LRRC4C: variants seen among roughly 807,000 people sequenced by gnomAD.
LRRC4C encodes the protein leucine-rich repeat-containing protein 4C.
In LRRC4C, 5 loss-of-function variants were observed where a neutral mutation model predicts 33.6. That is an observed-to-expected ratio of 0.15 (90% CI 0.08 to 0.31). LRRC4C has a LOEUF of 0.31. Ranked by LOEUF, LRRC4C falls within the 10% of genes least tolerant of loss-of-function variation. The probability of loss-of-function intolerance (pLI) is 1.00; values close to 1 mark genes in which losing one functional copy is unlikely to be tolerated. For missense variants in LRRC4C, 560 were observed against 796.7 expected (o/e 0.70, Z 3.58); for synonymous variants, 329 against 302.0 (o/e 1.09, Z -0.93).
chr11:40,586,755 T>C (rs1443244799), intron 3 of LRRC4C, among the ~76,000 whole-genome samples: 1 of 151,666 alleles, frequency 6.6e-6, no homozygotes, highest in African/African-American at 2.4e-5. Context: ...TGCTTGTTTT[T>C]CTCAGGTTTG....
At chr11:41,457,240 A>G (rs1257656166) in intron 1 of LRRC4C, among the ~76,000 whole-genome samples, 1 of 152,176 alleles carries the variant, frequency 6.6e-6, no homozygotes, top group East Asian at 1.9e-4. Context: ...GCCTCAATGG[A>G]GAGAGGTACT....
chr11:41,413,916 G>A (rs575410830), intron 1 of LRRC4C, among the ~76,000 whole-genome samples: 6 of 152,274 alleles, frequency 3.9e-5, no homozygotes, highest in African/African-American at 9.6e-5. Flanking sequence ...CACTAAATGA[G>A]ATATCTAACT....
intron 1 of LRRC4C, among the ~76,000 whole-genome samples, chr11:41,308,237 G>T (rs553752647): frequency 6.6e-6 from 1 of 152,296 alleles, no homozygotes; most frequent in Admixed American, 6.5e-5. Context: ...AAACTCTGAG[G>T]GATTGCTTTT....
intron 1 of LRRC4C, among the ~76,000 whole-genome samples, chr11:41,025,212 A>C (rs892199287): frequency 2.0e-5 from 3 of 151,726 alleles, no homozygotes; most frequent in African/African-American, 7.2e-5. Flanking sequence ...ACTTTAAATT[A>C]AAAACTAGAA....
chr11:41,041,784 C>T (rs1214292231), intron 1 of LRRC4C, among the ~76,000 whole-genome samples: 1 of 152,132 alleles, frequency 6.6e-6, no homozygotes, highest in Non-Finnish European at 1.5e-5. Context: ...AATATTCACA[C>T]AGCTCACAAA....
intron 1 of LRRC4C, among the ~76,000 whole-genome samples, chr11:41,037,102 T>C (rs992435173): frequency 6.6e-6 from 1 of 152,148 alleles, no homozygotes; most frequent in African/African-American, 2.4e-5. Context: ...AACTTTTCCT[T>C]ACGCAGGCTG....
chr11:40,248,670 T>G (rs1344129721), intron 4 of LRRC4C, among the ~76,000 whole-genome samples: 1 of 152,026 alleles, frequency 6.6e-6, no homozygotes, highest in Non-Finnish European at 1.5e-5. Context: ...GCACTTACAC[T>G]GGTCTGGGTG....
At chr11:41,440,426 A>G (rs181708275) in intron 1 of LRRC4C, among the ~76,000 whole-genome samples, 54 of 152,264 alleles carry the variant, frequency 3.5e-4, no homozygotes, top group Admixed American at 3.1e-3. Flanking sequence ...GGTTTTATCT[A>G]TGGTCTCCTT....
At chr11:41,366,042 G>A (rs76146301) in intron 1 of LRRC4C, among the ~76,000 whole-genome samples, 2,896 of 152,166 alleles carry the variant, frequency 0.019, 84 homozygotes, top group African/African-American at 0.066. Flanking sequence ...CATAAAATAA[G>A]CATTAAATAA....
chr11:40,688,653 G>A (rs569109346), intron 2 of LRRC4C, among the ~76,000 whole-genome samples: 1 of 152,172 alleles, frequency 6.6e-6, no homozygotes, highest in East Asian at 1.9e-4. Flanking sequence ...TCCTACGTCA[G>A]TGGAAAGGTC....
intron 5 of LRRC4C, among the ~76,000 whole-genome samples, chr11:40,142,760 G>A (rs1264151741): frequency 2.0e-5 from 3 of 151,870 alleles, no homozygotes; most frequent in Admixed American, 6.6e-5. Context: ...CTAGGTGGTC[G>A]TATAATGCTT....
intron 5 of LRRC4C, among the ~76,000 whole-genome samples, chr11:40,143,787 A>C (rs1857535305): frequency 6.6e-6 from 1 of 152,140 alleles, no homozygotes; most frequent in Non-Finnish European, 1.5e-5. Context: ...TAACATGTAC[A>C]TATTTGTTTT....
intron 1 of LRRC4C, among the ~76,000 whole-genome samples, chr11:41,273,457 C>T (rs1244712536): frequency 6.6e-6 from 1 of 152,096 alleles, no homozygotes; most frequent in Non-Finnish European, 1.5e-5. Context: ...ATGGAAGAAC[C>T]TAGAGGGCGT....
chr11:41,049,257 T>C (rs1275938020), intron 1 of LRRC4C, among the ~76,000 whole-genome samples: 1 of 152,140 alleles, frequency 6.6e-6, no homozygotes, highest in African/African-American at 2.4e-5. Context: ...GGGGTTTCCT[T>C]TTTCACTTGG....
chr11:40,164,645 T>C (rs1257029716), intron 5 of LRRC4C, among the ~76,000 whole-genome samples: 3 of 152,138 alleles, frequency 2.0e-5, no homozygotes, highest in Non-Finnish European at 4.4e-5. Context: ...ATGTAAGAGA[T>C]AAGAAAGTTA....
intron 2 of LRRC4C, among the ~76,000 whole-genome samples, chr11:40,785,875 CAT>C (rs1158554982): frequency 6.6e-6 from 1 of 151,098 alleles, no homozygotes; most frequent in East Asian, 2.0e-4. Flanking sequence ...ATTGACTCAG[CAT>C]AGAGTAGATG....
At chr11:41,275,387 T>C (rs1024407107) in intron 1 of LRRC4C, among the ~76,000 whole-genome samples, 2 of 152,176 alleles carry the variant, frequency 1.3e-5, no homozygotes, top group African/African-American at 4.8e-5. Flanking sequence ...TGGAACTTTT[T>C]GCAACTCTAT....
At chr11:40,476,342 C>CTTTCTTTTTTTTTTTTTTTTTT (rs1555074955) in intron 3 of LRRC4C, among the ~76,000 whole-genome samples, 2 of 81,356 alleles carry the variant, frequency 2.5e-5, no homozygotes, top group Admixed American at 1.5e-4. Context: ...TTTTTTTCTT[C>CTTTCTTTTTTTTTTTTTTTTTT]TTTTTTTTTT....
intron 1 of LRRC4C, among the ~76,000 whole-genome samples, chr11:41,095,683 T>C (rs1473668434): frequency 6.6e-6 from 1 of 152,184 alleles, no homozygotes; most frequent in African/African-American, 2.4e-5. Context: ...AAGGAATATA[T>C]AATCATATCT....
Sources: gnomAD v4.1 joint callset for allele counts (sites outside exome capture counted in the v4.1 genomes callset) on GRCh38, gnomAD v4.1.1 for gene constraint, MANE v1.5 for transcripts, NCBI Gene and HGNC (gene_info 2026-07-23, HGNC 2026-07-21) for gene names.